The following LAYN variants were observed in gnomAD, a reference collection of about 807,000 sequenced individuals.
LAYN encodes layilin.
In LAYN, 38 loss-of-function variants were observed where a neutral mutation model predicts 43.6. The ratio of observed to expected loss-of-function variants is 0.87; its 90% CI spans 0.67 to 1.14. LAYN has a LOEUF of 1.14. Among genes scored for constraint, LAYN ranks in the 50% most tolerant of loss-of-function variants. The pLI is 0.00. For missense variants in LAYN, 479 were observed against 463.8 expected, an observed-to-expected ratio of 1.03 and a Z score of -0.30; for synonymous variants, 168 against 172.9, an observed-to-expected ratio of 0.97 and a Z score of 0.22.
At chr11:111,544,746 A>G (rs936717770) in intron 2 of LAYN, among the ~76,000 whole-genome samples, 13 of 152,192 alleles carry the variant, frequency 8.5e-5, no homozygotes, top group African/African-American at 2.7e-4. Flanking sequence ...ATCCCTCCCT[A>G]AGAAATGCAA....
Position 111,555,259 on chromosome 11 carries a change from A to G in LAYN, c.627A>G (p.Glu209=). Residue 209 remains glutamate, a synonymous_variant, in exon 5 of 7, where the codon GAA becomes GAG. Coordinates refer to ENST00000375614, the MANE Select transcript of LAYN (RefSeq NM_178834.5). ...TPVLPEETQE[E]DAKKTFKESR... is the part of the protein sequence containing the mutation. ...TACTTCCAGAAGAAACACAGGAAGA[A>G]GATGCCAAAAAAACATTTAAAGAAA... 6.2e-7 allele frequency: 1 copy of G among 1,613,956 alleles called. No homozygotes were observed. Among genetic ancestry groups the G allele is most frequent in the South Asian group, 1.1e-5 (1 of 91,064 alleles).
chr11:111,549,824 A>C, intron 3 of LAYN, 49 bp downstream of exon 3: 48 of 1,551,470 alleles, frequency 3.1e-5, no homozygotes, highest in Non-Finnish European at 3.5e-5. Flanking sequence ...AACTTCTCTC[A>C]TTTCATGAGC....
intron 4 of LAYN, 138 bp from the exon 5 acceptor site, chr11:111,555,069 T>C: frequency 9.4e-6 from 6 of 637,248 alleles, no homozygotes; most frequent in Non-Finnish European, 5.6e-6. Context: ...ATTCAACCCT[T>C]TACTTTTCTA....
intron 2 of LAYN, among the ~76,000 whole-genome samples, chr11:111,547,037 G>A (rs1867659844): frequency 6.6e-6 from 1 of 152,122 alleles, no homozygotes; most frequent in African/African-American, 2.4e-5. Context: ...GTTCTTTTCT[G>A]CTGTGACTCC....
chr11:111,553,620 TAAAA>T, intron 3 of LAYN, among the ~76,000 whole-genome samples: 1 of 128,022 alleles, frequency 7.8e-6, no homozygotes, highest in East Asian at 2.6e-4. Context: ...CTCTCTCACA[TAAAA>T]AAAAAAAAAA....
chr11:111,541,451 C>G (rs1238164425), intron 1 of LAYN: 2 of 1,079,052 alleles, frequency 1.9e-6, no homozygotes, highest in Non-Finnish European at 2.7e-6. Context: ...GTCGAGCGCC[C>G]GGTATGAGAG....
At chr11:111,547,506 T>C (rs1197826362) in intron 2 of LAYN, among the ~76,000 whole-genome samples, 2 of 152,214 alleles carry the variant, frequency 1.3e-5, no homozygotes, top group Non-Finnish European at 1.5e-5. Flanking sequence ...TATATACTGT[T>C]GTCCATCCCA....
At chr11:111,540,686 A>C, upstream of LAYN, 1 of 644,220 alleles carries the variant, frequency 1.6e-6, no homozygotes, top group South Asian at 2.3e-5. Flanking sequence ...CGGAGGGGCG[A>C]CCGACTGACT....
At chr11:111,550,133 A>ATT (rs1867718017) in intron 3 of LAYN, among the ~76,000 whole-genome samples, 1 of 152,224 alleles carries the variant, frequency 6.6e-6, no homozygotes, top group Non-Finnish European at 1.5e-5. Flanking sequence ...GCTTAGAATA[A>ATT]GCTGGCCATT....
At chr11:111,544,921 G>A (rs1242296438) in intron 2 of LAYN, among the ~76,000 whole-genome samples, 1 of 151,858 alleles carries the variant, frequency 6.6e-6, no homozygotes, top group East Asian at 1.9e-4. Flanking sequence ...AAAGACCTGA[G>A]CAGACCGTTT....
intron 5 of LAYN, among the ~76,000 whole-genome samples, chr11:111,556,009 G>A (rs1480994105): frequency 2.4e-4 from 36 of 152,154 alleles, no homozygotes; most frequent in Admixed American, 2.4e-3. Flanking sequence ...CTCATACCAA[G>A]ACTGCCCTCA....
chr11:111,552,734 C>A (rs148473583), intron 3 of LAYN, among the ~76,000 whole-genome samples: 157 of 152,274 alleles, frequency 1.0e-3, no homozygotes, highest in African/African-American at 3.6e-3. Context: ...TTGAACAGAT[C>A]ATGTTATTAC....
In LAYN at chr11:111,560,166, G is replaced by GC; in HGVS notation, c.836dup (p.Asp280GlyfsTer15). 6.2e-7 allele frequency: 1 copy of GC among 1,614,180 alleles called. No individual in the cohort carries two copies. Among genetic ancestry groups the GC allele is most frequent in the Non-Finnish European group, 8.5e-7 (1 of 1,180,024 alleles). On this transcript the variant is annotated frameshift_variant, in exon 7 of 7. Coordinates refer to ENST00000375614, the MANE Select transcript of LAYN (RefSeq NM_178834.5). LOFTEE classifies it high-confidence loss of function. ...TGGCCCTCTCCTCACCAGGGAAACA[G>GC]CCCGGACCTAGAGGTCTACAATGTC...
chr11:111,541,614 C>A, intron 1 of LAYN: 8 of 1,533,912 alleles, frequency 5.2e-6, no homozygotes, highest in Non-Finnish European at 7.0e-6. Context: ...TGGCTTCTTT[C>A]AGTTGTTCTG....
chr11:111,555,761 C>T (rs1867827366), intron 5 of LAYN, among the ~76,000 whole-genome samples: 1 of 152,216 alleles, frequency 6.6e-6, no homozygotes, highest in South Asian at 2.1e-4. Context: ...ATTTCAAACT[C>T]ACTCTTGCCC....
At chr11:111,550,614 T>G (rs1259115115) in intron 3 of LAYN, among the ~76,000 whole-genome samples, 2 of 152,240 alleles carry the variant, frequency 1.3e-5, no homozygotes, top group Admixed American at 6.5e-5. Context: ...CAATTTTTGC[T>G]GCTAAAAGAT....
Position 111,540,731 on chromosome 11 carries a change from C to T in LAYN, c.-113C>T. ...CCCCCCCGCCTCCCGTGCGGTCCGTCGGTGGCCTAGAGATGCTGCTGCCGC... is the reference window on the plus strand; with the variant it reads ...CCCCCCCGCCTCCCGTGCGGTCCGTTGGTGGCCTAGAGATGCTGCTGCCGC... On this transcript the variant is annotated 5_prime_UTR_variant, in exon 1 of 7. Transcript: ENST00000375614. 9.4e-7 allele frequency: 1 copy of T among 1,058,724 alleles called. No homozygotes were observed. The highest frequency in any genetic ancestry group is 1.3e-6 in the Non-Finnish European group (1 of 769,234). The allele number at this position is 1,058,724 out of a possible 1,614,324, so 65.6% of individuals were successfully genotyped here.
At chr11:111,544,949 A>G (rs138139455) in intron 2 of LAYN, among the ~76,000 whole-genome samples, 107 of 152,148 alleles carry the variant, frequency 7.0e-4, no homozygotes, top group Admixed American at 2.8e-3. Flanking sequence ...AAAAAATCTA[A>G]TGGTAAACAA....
chr11:111,549,498 T>A (rs1189730875), intron 2 of LAYN, 120 bp from the exon 3 acceptor site: 12 of 797,024 alleles, frequency 1.5e-5, no homozygotes, highest in Non-Finnish European at 2.2e-5. Flanking sequence ...TCTCTCTGTA[T>A]CATGTTCTGA....
Sources: gnomAD v4.1 joint callset for allele counts (sites outside exome capture counted in the v4.1 genomes callset) on GRCh38, gnomAD v4.1.1 for gene constraint, MANE v1.5 for transcripts, NCBI Gene and HGNC (gene_info 2026-07-23, HGNC 2026-07-21) for gene names.